The following KIRREL1 variants were observed in gnomAD, a reference collection of about 807,000 sequenced individuals.
KIRREL1 encodes kin of IRRE-like protein 1.
Under a neutral mutation model 83.3 loss-of-function variants are expected in KIRREL1, and 25 were observed. The ratio of observed to expected loss-of-function variants is 0.30; its 90% CI spans 0.22 to 0.42. KIRREL1 has a LOEUF of 0.42. KIRREL1 is among the 10% of genes least tolerant of loss of function. The pLI is 1.00. For synonymous variants in KIRREL1, 388 were observed against 410.4 expected, an observed-to-expected ratio of 0.95 and a Z score of 0.66; for missense variants, 812 against 1,032.3, an observed-to-expected ratio of 0.79 and a Z score of 2.92.
intron 1 of KIRREL1, among the ~76,000 whole-genome samples, chr1:157,996,294 C>T (rs894412992): frequency 4.6e-5 from 7 of 152,056 alleles, no homozygotes; most frequent in Non-Finnish European, 1.0e-4. Context: ...CATCATGCGC[C>T]GGCTCCACAG....
chr1:158,000,606 T>C (rs1006906578), intron 1 of KIRREL1, among the ~76,000 whole-genome samples: 2 of 152,238 alleles, frequency 1.3e-5, no homozygotes, highest in African/African-American at 4.8e-5. Context: ...CAGACATCAC[T>C]GAAGTATGAC....
At chr1:157,996,565 G>GC (rs1031084852) in intron 1 of KIRREL1, among the ~76,000 whole-genome samples, 3 of 152,066 alleles carry the variant, frequency 2.0e-5, no homozygotes, top group Non-Finnish European at 4.4e-5. Flanking sequence ...AAGGGAGGAG[G>GC]CCCGAGGGCC....
At chr1:158,044,083 C>T (rs1006592822) in intron 1 of KIRREL1, among the ~76,000 whole-genome samples, 6 of 152,266 alleles carry the variant, frequency 3.9e-5, no homozygotes, top group African/African-American at 1.2e-4. Flanking sequence ...GGATGCCAAC[C>T]GCATACCAGG....
chr1:158,086,285 C>T (rs964819340), intron 4 of KIRREL1, among the ~76,000 whole-genome samples: 7 of 152,084 alleles, frequency 4.6e-5, no homozygotes, highest in Admixed American at 4.6e-4. Context: ...ATGGCACACT[C>T]CTGTAGTCGC....
rs201328955 is a variant in KIRREL1, at chr1:158,094,740, C to T, written c.1894C>T (p.Arg632Cys). The change falls in exon 15 of 15, where the codon CGC becomes TGC. Residue 632 changes from arginine (R) to cysteine (C), a missense_variant. By Grantham distance (180) the Arg-to-Cys change is radical (BLOSUM62 -3). This residue lies in a region of KIRREL1 where 334 missense variants were observed against 383.7 expected (regional missense o/e 0.87). Transcript: ENST00000359209. This position sits in a 1 kb window ranked among gnomAD's most constrained non-coding sequence, Gnocchi z 4.6. ...YADYRAPGPA[R>C]FDGRPSSRLS... is the part of the protein sequence containing the mutation. ...TGACTACCGTGCCCCTGGCCCTGCCCGCTTCGACGGCCGCCCCTCATCCCG... is the reference window on the plus strand; with the variant it reads ...TGACTACCGTGCCCCTGGCCCTGCCTGCTTCGACGGCCGCCCCTCATCCCG... 120 of 1,613,500 alleles carry T rather than the reference C, an allele frequency of 7.4e-5. No individual in the cohort carries two copies. The highest frequency in any genetic ancestry group is 1.6e-4 in the Middle Eastern group (1 of 6,084).
At chr1:158,072,887 G>C (rs1448498131) in intron 1 of KIRREL1, among the ~76,000 whole-genome samples, 1 of 151,844 alleles carries the variant, frequency 6.6e-6, no homozygotes, top group Non-Finnish European at 1.5e-5. Context: ...AGGAAGGAAG[G>C]GGAGAGGGGA....
chr1:158,020,939 C>T (rs1298205783), intron 1 of KIRREL1, among the ~76,000 whole-genome samples: 1 of 152,166 alleles, frequency 6.6e-6, no homozygotes, highest in African/African-American at 2.4e-5. Flanking sequence ...ATGGGACCAC[C>T]TTACAGGGCC....
At chr1:158,067,043 A>G (rs758340534) in intron 1 of KIRREL1, among the ~76,000 whole-genome samples, 14 of 152,144 alleles carry the variant, frequency 9.2e-5, no homozygotes, top group Non-Finnish European at 2.1e-4. Flanking sequence ...GCCAGGGTAC[A>G]TTTGCATAGA....
At chr1:157,999,182 C>A (rs184618560) in intron 1 of KIRREL1, among the ~76,000 whole-genome samples, 1 of 152,210 alleles carries the variant, frequency 6.6e-6, no homozygotes, top group Non-Finnish European at 1.5e-5. Context: ...TCCAAGGACA[C>A]ATCTATCTCC....
Position 158,096,667 on chromosome 1 carries a change from A to G in KIRREL1, c.*1547A>G, listed in dbSNP as rs1662362644. The G allele has an allele frequency of 2.2e-6, 1 of 456,700 alleles. No individual in the cohort carries two copies. Among genetic ancestry groups the G allele is most frequent in the South Asian group, 1.5e-5 (1 of 64,566 alleles). 28.3% of individuals were successfully genotyped at this position (456,700 alleles called of 1,614,324 possible). On this transcript the variant is annotated 3_prime_UTR_variant, in exon 15 of 15. Transcript: ENST00000359209. ...CCTCCTCCATGTGCACGCACATCCAACACACACCTTCCATGTGACTGCTTC... is the reference window on the plus strand; with the variant it reads ...CCTCCTCCATGTGCACGCACATCCAGCACACACCTTCCATGTGACTGCTTC...
intron 1 of KIRREL1, among the ~76,000 whole-genome samples, chr1:158,060,164 C>A (rs1661175015): frequency 6.6e-6 from 1 of 152,182 alleles, no homozygotes; most frequent in African/African-American, 2.4e-5. Context: ...TCAGCCCCTT[C>A]CCCTTTCCTC....
intron 1 of KIRREL1, among the ~76,000 whole-genome samples, chr1:158,010,465 C>CTGAGAATGT (rs1004642270): frequency 4.1e-5 from 4 of 98,312 alleles, no homozygotes; most frequent in African/African-American, 1.5e-4. Flanking sequence ...ACACACTGTC[C>CTGAGAATGT]TGAGAATGTC....
chr1:158,014,042 C>T (rs919369716), intron 1 of KIRREL1, among the ~76,000 whole-genome samples: 1 of 151,988 alleles, frequency 6.6e-6, no homozygotes, highest in Non-Finnish European at 1.5e-5. Context: ...GGATTAGGAC[C>T]AGTTTGGAAG....
chr1:158,002,211 TCAACGGCAGTAACTG>T (rs2101622643), intron 1 of KIRREL1, among the ~76,000 whole-genome samples: 1 of 152,272 alleles, frequency 6.6e-6, no homozygotes, highest in Non-Finnish European at 1.5e-5. Flanking sequence ...GAGGCAGAGT[TCAACGGCAGTAACTG>T]CGAGGAGAGC....
Position 158,084,448 on chromosome 1 carries a change from G to A in KIRREL1, c.379G>A (p.Gly127Arg), listed in dbSNP as rs1035245140. 2.6e-6 allele frequency: 4 copies of A among 1,551,790 alleles called. No individual in the cohort carries two copies. Among genetic ancestry groups the A allele is most frequent in the South Asian group, 1.2e-5 (1 of 84,054 alleles). Residue 127 changes from glycine to arginine, a missense_variant, in exon 4 of 15, where the codon GGA becomes AGA. Gly to Arg is a moderately radical substitution (Grantham distance 125). Coordinates refer to ENST00000359209, the MANE Select transcript of KIRREL1 (RefSeq NM_018240.7). ...CCCCCCAGAGGACACCAGGATTGAC[G>A]GAGGCCCTGTGATTCTACTGCAGGC... ...LIPPEDTRID[G>R]GPVILLQAGT...
intron 1 of KIRREL1, among the ~76,000 whole-genome samples, chr1:158,057,369 C>T (rs1661094187): frequency 6.6e-6 from 1 of 152,192 alleles, no homozygotes; most frequent in African/African-American, 2.4e-5. Flanking sequence ...GGGCCCTTGA[C>T]TTCCTAAGAC....
chr1:158,090,842 T>G (rs1324038219), intron 10 of KIRREL1, among the ~76,000 whole-genome samples: 1 of 152,212 alleles, frequency 6.6e-6, no homozygotes, highest in Non-Finnish European at 1.5e-5. Context: ...TGTCTAGCCC[T>G]AGCCTGGTTC....
chr1:157,993,697 G>T lies in KIRREL1; in HGVS notation c.21G>T (p.Trp7Cys). The T allele has an allele frequency of 1.3e-6, 2 of 1,495,334 alleles. No individual in the cohort carries two copies. The highest frequency in any genetic ancestry group is 1.8e-6 in the Non-Finnish European group (2 of 1,121,088). 92.6% of individuals were successfully genotyped at this position (1,495,334 alleles called of 1,614,324 possible). Residue 7 changes from tryptophan to cysteine, a missense_variant, in exon 1 of 15, where the codon TGG becomes TGT. By Grantham distance (215) the Trp-to-Cys change is radical. Coordinates refer to ENST00000359209, the MANE Select transcript of KIRREL1 (RefSeq NM_018240.7). MLSLLVWILTLSDTFSQ... is the reference protein window; with the variant it reads MLSLLVCILTLSDTFSQ... ...ACAGCATGCTGAGCCTCCTCGTCTG[G>T]ATCCTCACTCTCTCCGATACTTTCT...
At chr1:158,036,850 G>T (rs1359257339) in intron 1 of KIRREL1, among the ~76,000 whole-genome samples, 1 of 152,174 alleles carries the variant, frequency 6.6e-6, no homozygotes, top group Non-Finnish European at 1.5e-5. Context: ...AGAAAGACTG[G>T]GAGAGCAGAT....
Sources: allele counts gnomAD v4.1 joint callset (sites outside exome capture counted in the v4.1 genomes callset), GRCh38; gene constraint gnomAD v4.1.1; regional missense constraint gnomAD v4.1.1; non-coding constraint Gnocchi (gnomAD v3.1); transcripts MANE v1.5; gene names NCBI Gene and HGNC (gene_info 2026-07-23, HGNC 2026-07-21).